RAD23B: variants seen among roughly 807,000 people sequenced by gnomAD.
RAD23B encodes the protein lysine-specific demethylase RAD23B.
A neutral mutation model predicts 49.1 loss-of-function variants in RAD23B; 5 were observed. The ratio of observed to expected loss-of-function variants is 0.10; its 90% CI spans 0.05 to 0.21. RAD23B has a LOEUF of 0.21. Ranked by LOEUF, RAD23B falls within the 10% of genes least tolerant of loss-of-function variation. The pLI is 1.00. For synonymous variants in RAD23B, 184 were observed against 165.4 expected (o/e 1.11, Z -0.86); for missense variants, 356 against 486.7 (o/e 0.73, Z 2.53).
intron 3 of RAD23B, 105 bp downstream of exon 3, chr9:107,302,219 T>C: frequency 6.9e-7 from 1 of 1,439,014 alleles, no homozygotes; most frequent in South Asian, 1.7e-5. Context: ...TCCATAGTGG[T>C]GTACACTTAA....
intron 3 of RAD23B, among the ~76,000 whole-genome samples, chr9:107,304,081 G>A (rs1310711277): frequency 6.6e-6 from 1 of 152,080 alleles, no homozygotes; most frequent in Non-Finnish European, 1.5e-5. Flanking sequence ...CTACAGTAAG[G>A]CATTATGGAA....
intron 1 of RAD23B, among the ~76,000 whole-genome samples, chr9:107,291,418 A>G (rs187734156): frequency 1.3e-5 from 2 of 152,320 alleles, no homozygotes. Context: ...ATTTCAAATC[A>G]TATATTTAAA....
intron 5 of RAD23B, among the ~76,000 whole-genome samples, chr9:107,314,431 C>CA (rs1371152738): frequency 6.6e-6 from 1 of 152,132 alleles, no homozygotes; most frequent in Non-Finnish European, 1.5e-5. Flanking sequence ...CTTGTGAGGA[C>CA]ATGGGGTATT....
At chr9:107,302,822 A>AT (rs1327560211) in intron 3 of RAD23B, among the ~76,000 whole-genome samples, 2 of 151,666 alleles carry the variant, frequency 1.3e-5, no homozygotes, top group East Asian at 1.9e-4. Context: ...CGCCCGGCTA[A>AT]TTTTTTTGTA....
At chr9:107,289,119 CCCCCTTCCCTCTCCTTT>C (rs1833335757) in intron 1 of RAD23B, among the ~76,000 whole-genome samples, 4 of 125,670 alleles carry the variant, frequency 3.2e-5, no homozygotes, top group African/African-American at 1.2e-4. Context: ...TCCCTCCCTT[CCCCCTTCCCTCTCCTTT>C]CCTCTCCTTC....
intron 1 of RAD23B, chr9:107,284,807 T>C (rs1257135668): frequency 8.3e-7 from 1 of 1,203,606 alleles, no homozygotes; most frequent in Admixed American, 2.6e-5. Context: ...TGAGTTCCAT[T>C]TGTGGTTTTG....
chr9:107,331,587 A>G lies in RAD23B; in HGVS notation c.*1931A>G. 1.4e-6 allele frequency: 1 copy of G among 720,206 alleles called. No homozygotes were observed. Among genetic ancestry groups the G allele is most frequent in the Non-Finnish European group, 2.5e-6 (1 of 392,582 alleles). 44.6% of individuals were successfully genotyped at this position (720,206 alleles called of 1,614,324 possible). ...ATACGTTCATCTTTCAAGTCAGAGC[A>G]ATGAGTTGGGAAAAGAGGTGGCATT... On this transcript the variant is annotated 3_prime_UTR_variant, in exon 10 of 10. Transcript: ENST00000358015.
chr9:107,284,205 T>G (rs562571320), intron 1 of RAD23B: 1 of 985,234 alleles, frequency 1.0e-6, no homozygotes, highest in East Asian at 1.1e-4. Context: ...GTGGTGAAAA[T>G]GAATTTGCCC....
intron 6 of RAD23B, among the ~76,000 whole-genome samples, chr9:107,320,543 T>A (rs1383226557): frequency 6.6e-6 from 1 of 151,402 alleles, no homozygotes; most frequent in Non-Finnish European, 1.5e-5. Flanking sequence ...AAATGTTTTT[T>A]ATATATTTGC....
At chr9:107,313,068 A>G (rs1271469183) in intron 5 of RAD23B, among the ~76,000 whole-genome samples, 2 of 151,044 alleles carry the variant, frequency 1.3e-5, no homozygotes, top group Non-Finnish European at 3.0e-5. Context: ...TATTTTTCTG[A>G]TTTATCTTGT....
intron 7 of RAD23B, among the ~76,000 whole-genome samples, chr9:107,322,796 A>C (rs755469029): frequency 6.6e-6 from 1 of 152,230 alleles, no homozygotes; most frequent in Non-Finnish European, 1.5e-5. Flanking sequence ...CTGGTTGACA[A>C]AGGTCACTCA....
At position 107,329,537 on chromosome 9, in the gene RAD23B, T is replaced by G; in HGVS notation, c.1117-6T>G. The G allele has an allele frequency of 6.4e-7, 1 of 1,566,300 alleles. No homozygotes were observed. Among genetic ancestry groups the G allele is most frequent in the Middle Eastern group, 1.7e-4 (1 of 5,874 alleles). The stretch of plus-strand genomic sequence containing the variant: ...TGGATTTATATTTTTTTCCTTTTTC[T>G]TCCAGTTAAAGGCATTAGGATTTCC... On this transcript the variant is annotated splice_region_variant and splice_polypyrimidine_tract_variant and intron_variant, in intron 9 of 9. Transcript: ENST00000358015.
At chr9:107,308,551 T>TG (rs1826829835) in intron 4 of RAD23B, among the ~76,000 whole-genome samples, 1 of 152,186 alleles carries the variant, frequency 6.6e-6, no homozygotes, top group African/African-American at 2.4e-5. Context: ...TTCCTGGAGT[T>TG]GCAGTTTTAC....
At chr9:107,296,041 GAT>G (rs1826514196) in intron 1 of RAD23B, among the ~76,000 whole-genome samples, 1 of 152,182 alleles carries the variant, frequency 6.6e-6, no homozygotes, top group Non-Finnish European at 1.5e-5. Context: ...AGGAACAGGA[GAT>G]TGGTCACTTA....
intron 1 of RAD23B, among the ~76,000 whole-genome samples, chr9:107,294,202 C>G (rs541010366): frequency 6.6e-6 from 1 of 152,278 alleles, no homozygotes; most frequent in South Asian, 2.1e-4. Flanking sequence ...CCATGCCCAT[C>G]ATGTTTAATA....
chr9:107,284,372 A>C (rs1833229880), intron 1 of RAD23B, among the ~76,000 whole-genome samples: 1 of 152,140 alleles, frequency 6.6e-6, no homozygotes, highest in Admixed American at 6.5e-5. Context: ...CCAGGCTCAA[A>C]CTAAACTTCA....
chr9:107,306,779 A>G, intron 4 of RAD23B, 132 bp downstream of exon 4: 1 of 979,172 alleles, frequency 1.0e-6, no homozygotes, highest in Non-Finnish European at 1.5e-6. Context: ...ATGTTTGACT[A>G]AAACATATGC....
At chr9:107,323,171 CAGA>C (rs1827142597) in intron 7 of RAD23B, among the ~76,000 whole-genome samples, 1 of 152,054 alleles carries the variant, frequency 6.6e-6, no homozygotes, top group African/African-American at 2.4e-5. Flanking sequence ...CTGAAAAAGC[CAGA>C]AGTTCTGTAT....
At chr9:107,324,285 A>G (rs139123123) in intron 8 of RAD23B, among the ~76,000 whole-genome samples, 2 of 152,350 alleles carry the variant, frequency 1.3e-5, no homozygotes, top group East Asian at 3.9e-4. Flanking sequence ...CTACACATTA[A>G]TATGTTAAAG....
Sources: gnomAD v4.1 joint callset for allele counts (sites outside exome capture counted in the v4.1 genomes callset) on GRCh38, gnomAD v4.1.1 for gene constraint, MANE v1.5 for transcripts, NCBI Gene and HGNC (gene_info 2026-07-23, HGNC 2026-07-21) for gene names.